The following GRIP1 variants were observed in gnomAD, a reference collection of about 807,000 sequenced individuals.
GRIP1 encodes the protein glutamate receptor-interacting protein 1.
GRIP1 carries 45 observed loss-of-function variants against 129.9 expected under a neutral mutation model. The ratio of observed to expected loss-of-function variants is 0.35; its 90% confidence interval spans 0.27 to 0.44. GRIP1 has a LOEUF of 0.44. GRIP1 is among the 20% of genes least tolerant of loss of function. The pLI is 1.00. For missense variants in GRIP1, 1,196 were observed against 1,396.8 expected (o/e 0.86, Z 2.29); for synonymous variants, 530 against 520.8 (o/e 1.02, Z -0.24).
intron 11 of GRIP1, among the ~76,000 whole-genome samples, chr12:66,453,194 T>C (rs1247142049): frequency 6.6e-6 from 1 of 152,232 alleles, no homozygotes; most frequent in African/African-American, 2.4e-5. Flanking sequence ...ATTTAAGATA[T>C]GAAAATATCA....
chr12:66,792,680 C>T (rs184538331), intron 1 of GRIP1, among the ~76,000 whole-genome samples: 3 of 152,146 alleles, frequency 2.0e-5, no homozygotes, highest in Admixed American at 6.5e-5. Flanking sequence ...TAAAATATTG[C>T]AATTTCTGAT....
chr12:66,568,321 A>G (rs151247523), intron 2 of GRIP1: 253 of 177,216 alleles, frequency 1.4e-3, no homozygotes, highest in African/African-American at 4.7e-3. Context: ...AATGTTCGCA[A>G]AAAGGTTGGA....
chr12:66,611,899 G>A (rs2050763978), intron 1 of GRIP1, among the ~76,000 whole-genome samples: 1 of 152,100 alleles, frequency 6.6e-6, no homozygotes, highest in South Asian at 2.1e-4. Flanking sequence ...CAAACAGTTT[G>A]AACATAAGAA....
At chr12:66,907,562 C>G (rs1216002565) in intron 1 of GRIP1, among the ~76,000 whole-genome samples, 1 of 151,948 alleles carries the variant, frequency 6.6e-6, no homozygotes, top group East Asian at 1.9e-4. Flanking sequence ...GTGTGGTGAC[C>G]AGGGGTTAGT....
At chr12:66,809,513 G>GA (rs1252118670) in intron 1 of GRIP1, among the ~76,000 whole-genome samples, 1 of 151,896 alleles carries the variant, frequency 6.6e-6, no homozygotes, top group East Asian at 1.9e-4. Context: ...GAATGGGAAA[G>GA]AAAAAAACAC....
chr12:66,736,749 T>A (rs2036614965), intron 1 of GRIP1, among the ~76,000 whole-genome samples: 1 of 151,964 alleles, frequency 6.6e-6, no homozygotes, highest in Admixed American at 6.6e-5. Flanking sequence ...TGAAAAAAAG[T>A]TATATGAAAA....
At chr12:66,560,509 G>GT (rs767582523) in intron 2 of GRIP1, among the ~76,000 whole-genome samples, 4 of 151,904 alleles carry the variant, frequency 2.6e-5, no homozygotes, top group Admixed American at 6.6e-5. Flanking sequence ...TGAAAAATGG[G>GT]CAAAATATTT....
At chr12:66,719,443 G>C (rs1398534410) in intron 1 of GRIP1, among the ~76,000 whole-genome samples, 1 of 152,154 alleles carries the variant, frequency 6.6e-6, no homozygotes, top group Non-Finnish European at 1.5e-5. Flanking sequence ...TGACTTCTAA[G>C]AGCCAACTAA....
intron 7 of GRIP1, among the ~76,000 whole-genome samples, chr12:66,465,883 A>G (rs2059273251): frequency 6.6e-6 from 1 of 152,204 alleles, no homozygotes; most frequent in African/African-American, 2.4e-5. Flanking sequence ...GAAAGAAGAA[A>G]GAAAGGAAGG....
chr12:66,719,170 G>C (rs953471189), intron 1 of GRIP1, among the ~76,000 whole-genome samples: 1 of 152,090 alleles, frequency 6.6e-6, no homozygotes, highest in African/African-American at 2.4e-5. Flanking sequence ...GATAATAGAA[G>C]AGCAGTCATA....
At chr12:66,577,492 G>A (rs2063181358) in intron 2 of GRIP1, among the ~76,000 whole-genome samples, 1 of 152,166 alleles carries the variant, frequency 6.6e-6, no homozygotes, top group South Asian at 2.1e-4. Context: ...AGCACTCCGA[G>A]TTCCACTCTA....
intron 19 of GRIP1, among the ~76,000 whole-genome samples, chr12:66,388,964 GAGA>G (rs1220515618): frequency 6.6e-6 from 1 of 152,178 alleles, no homozygotes; most frequent in Non-Finnish European, 1.5e-5. Flanking sequence ...TGATATTTTA[GAGA>G]AGAAGGAGAG....
intron 1 of GRIP1, among the ~76,000 whole-genome samples, chr12:67,027,465 T>C (rs1427499132): frequency 1.3e-5 from 2 of 152,244 alleles, no homozygotes; most frequent in Non-Finnish European, 2.9e-5. Context: ...GAGTGTCTAA[T>C]ATGGGCAAAA....
At chr12:66,683,968 G>A (rs990309441), upstream of GRIP1, among the ~76,000 whole-genome samples, 1 of 152,188 alleles carries the variant, frequency 6.6e-6, no homozygotes, top group Admixed American at 6.5e-5. Flanking sequence ...GAATCAAATT[G>A]CCTGACTTTG....
intron 2 of GRIP1, among the ~76,000 whole-genome samples, chr12:66,566,831 G>C (rs182068291): frequency 6.6e-6 from 1 of 152,026 alleles, no homozygotes; most frequent in African/African-American, 2.4e-5. Context: ...GTCTATTCAG[G>C]GATTCAACTT....
At chr12:66,521,566 C>T (rs1350701421) in intron 5 of GRIP1, among the ~76,000 whole-genome samples, 2 of 152,194 alleles carry the variant, frequency 1.3e-5, no homozygotes, top group Non-Finnish European at 2.9e-5. Context: ...CTACAGCTCC[C>T]AGCGTGAGTG....
At chr12:67,019,677 G>GA (rs1357943481) in intron 1 of GRIP1, among the ~76,000 whole-genome samples, 2 of 151,986 alleles carry the variant, frequency 1.3e-5, no homozygotes, top group Non-Finnish European at 2.9e-5. Flanking sequence ...GACTAGGCCA[G>GA]AAACAACATT....
chr12:66,616,229 A>G (rs1010794159), intron 1 of GRIP1, among the ~76,000 whole-genome samples: 1 of 152,178 alleles, frequency 6.6e-6, no homozygotes, highest in Non-Finnish European at 1.5e-5. Flanking sequence ...CTGGGCCACA[A>G]TAAATTTTTG....
intron 1 of GRIP1, among the ~76,000 whole-genome samples, chr12:66,629,935 C>A (rs944787906): frequency 2.0e-5 from 3 of 152,106 alleles, no homozygotes; most frequent in Non-Finnish European, 4.4e-5. Context: ...CTTTGAATCT[C>A]GGGTTTTTAC....
Sources: gnomAD v4.1 joint callset for allele counts (sites outside exome capture counted in the v4.1 genomes callset) on GRCh38, gnomAD v4.1.1 for gene constraint, MANE v1.5 for transcripts, NCBI Gene and HGNC (gene_info 2026-07-23, HGNC 2026-07-21) for gene names.